Variants in SIPA1L2 observed in about 807,000 individuals in gnomAD.
The protein encoded by SIPA1L2 is signal induced proliferation associated 1 like 2.
SIPA1L2 carries 56 observed loss-of-function variants against 163.9 expected under a neutral mutation model. That is an observed-to-expected ratio of 0.34 (90% CI 0.28 to 0.43). SIPA1L2 has a LOEUF of 0.43. SIPA1L2 is among the 20% of genes least tolerant of loss of function. The pLI, the probability that SIPA1L2 is intolerant of heterozygous loss-of-function variation, is 1.00. For missense variants in SIPA1L2, 1,974 were observed against 2,193.5 expected (o/e 0.90, Z 2.00); for synonymous variants, 877 against 865.7 (o/e 1.01, Z -0.23).
chr1:232,496,276 C>T (rs899016297), intron 3 of SIPA1L2, among the ~76,000 whole-genome samples: 14 of 152,190 alleles, frequency 9.2e-5, no homozygotes, highest in Admixed American at 7.9e-4. Flanking sequence ...GTATTCAGTA[C>T]AGTAACATGC....
intron 4 of SIPA1L2, among the ~76,000 whole-genome samples, chr1:232,491,889 C>T (rs59324212): frequency 6.6e-6 from 1 of 152,178 alleles, no homozygotes; most frequent in African/African-American, 2.4e-5. Context: ...TCTATCTATA[C>T]TAATACAGGA....
At chr1:232,535,223 C>T (rs1289083220) in intron 2 of SIPA1L2, among the ~76,000 whole-genome samples, 1 of 152,066 alleles carries the variant, frequency 6.6e-6, no homozygotes, top group Non-Finnish European at 1.5e-5. Context: ...TACGCGTATG[C>T]CTAAGAAACA....
At chr1:232,537,000 C>T (rs928501657) in intron 2 of SIPA1L2, among the ~76,000 whole-genome samples, 1 of 152,150 alleles carries the variant, frequency 6.6e-6, no homozygotes, top group African/African-American at 2.4e-5. Context: ...CTTTGGGAGG[C>T]CACAGCAGGT....
intron 2 of SIPA1L2, among the ~76,000 whole-genome samples, chr1:232,531,086 G>A (rs1656891690): frequency 6.6e-6 from 1 of 152,174 alleles, no homozygotes. Flanking sequence ...TTCTGTAGGT[G>A]CCAAGCACTT....
At chr1:232,456,299 C>T (rs595112) in intron 10 of SIPA1L2, among the ~76,000 whole-genome samples, 115,144 of 152,104 alleles carry the variant, frequency 0.76, 43,814 homozygotes, top group East Asian at 0.87. Flanking sequence ...TATTTCCATA[C>T]TCTCCTCTCT....
intron 2 of SIPA1L2, among the ~76,000 whole-genome samples, chr1:232,569,073 C>T (rs1659570446): frequency 6.6e-6 from 1 of 152,202 alleles, no homozygotes; most frequent in Non-Finnish European, 1.5e-5. Context: ...TGTATGAAAT[C>T]ACTCTTGAGA....
chr1:232,563,049 C>T (rs1659138018), intron 2 of SIPA1L2, among the ~76,000 whole-genome samples: 1 of 152,150 alleles, frequency 6.6e-6, no homozygotes, highest in Non-Finnish European at 1.5e-5. Flanking sequence ...ATCCTACATG[C>T]CTGAACTGTG....
At chr1:232,606,150 T>C (rs1461663519) in intron 1 of SIPA1L2, among the ~76,000 whole-genome samples, 1 of 152,274 alleles carries the variant, frequency 6.6e-6, no homozygotes. Context: ...TCAGAGTTGC[T>C]ATTCAAACAT....
At chr1:232,437,186 T>G (rs1416634184) in intron 15 of SIPA1L2, among the ~76,000 whole-genome samples, 1 of 152,172 alleles carries the variant, frequency 6.6e-6, no homozygotes, top group Admixed American at 6.5e-5. Flanking sequence ...AAATTTTACT[T>G]AATAATAATA....
rs1664486850 is a variant in SIPA1L2 at position 232,465,891 on chromosome 1, A to C, written c.2244-475T>G. ...GATGTATGCACACAGAAAGAAGACC[A>C]TGTGAAGACACAAGGAGAAGACGGC... On this transcript the variant is annotated intron_variant, in intron 8 of 22. Coordinates refer to ENST00000674635, the MANE Select transcript of SIPA1L2 (RefSeq NM_020808.5). The surrounding 1 kb of genome is among the most constrained non-coding windows in gnomAD (Gnocchi z 4.1). 1.3e-5 allele frequency among the ~76,000 whole-genome samples: 2 copies of C among 151,902 alleles called. No homozygotes were observed. The highest frequency in any genetic ancestry group is 4.2e-4 in the South Asian group (2 of 4,806).
chr1:232,626,279 G>A (rs1245665968), intron 1 of SIPA1L2, among the ~76,000 whole-genome samples: 1 of 142,982 alleles, frequency 7.0e-6, no homozygotes, highest in Admixed American at 7.3e-5. Flanking sequence ...AAAAGGTATA[G>A]GAACAACATG....
At chr1:232,584,328 G>A (rs12566277) in intron 1 of SIPA1L2, among the ~76,000 whole-genome samples, 69,206 of 151,880 alleles carry the variant, frequency 0.46, 17,543 homozygotes, top group East Asian at 0.75. Flanking sequence ...AGGTTCAAGC[G>A]ATTCTCCTGC....
rs1662754760 is a variant in SIPA1L2, at chr1:232,620,665, T to C, written c.-319+9204A>G. On this transcript the variant is annotated intron_variant, in intron 1 of 22. Transcript: ENST00000674635. ...GATTTAACTGCCCTAAAATTAGCAG[T>C]CAGAGCAAAGTAGTTACTGCAATGA... Among the ~76,000 whole-genome samples the C allele has an allele frequency of 2.0e-5, 3 of 152,230 alleles. No individual in the cohort carries two copies. In the South Asian group the frequency reaches 6.2e-4, roughly 32 times the overall value.
At chr1:232,420,575 C>G (rs1661515521) in intron 18 of SIPA1L2, among the ~76,000 whole-genome samples, 1 of 152,170 alleles carries the variant, frequency 6.6e-6, no homozygotes, top group Admixed American at 6.5e-5. Context: ...GTGGCTCATG[C>G]CTGTAATCCC....
intron 2 of SIPA1L2, among the ~76,000 whole-genome samples, chr1:232,544,854 A>T (rs917667434): frequency 1.3e-5 from 2 of 152,198 alleles, no homozygotes; most frequent in Non-Finnish European, 2.9e-5. Flanking sequence ...AAGCTCCGAA[A>T]GCAGATCCCC....
At chr1:232,399,296 G>A (rs773528543) in intron 22 of SIPA1L2, 23 bp from the exon 23 acceptor site, 1 of 1,609,940 alleles carries the variant, frequency 6.2e-7, no homozygotes, top group Admixed American at 1.7e-5. Context: ...GAAATAAACT[G>A]AGTCATGGAG....
chr1:232,413,003 C>T (rs1375974583), intron 19 of SIPA1L2, among the ~76,000 whole-genome samples: 1 of 152,156 alleles, frequency 6.6e-6, no homozygotes, highest in Non-Finnish European at 1.5e-5. Context: ...TACCTGAGGG[C>T]ACTGGCTAGG....
intron 18 of SIPA1L2, among the ~76,000 whole-genome samples, chr1:232,418,531 A>T (rs761235487): frequency 4.4e-4 from 67 of 152,344 alleles, no homozygotes; most frequent in Middle Eastern, 6.8e-3. Flanking sequence ...CCCACGGAGC[A>T]GGCCAGCCAA....
In SIPA1L2 at chr1:232,572,764, TA is replaced by T. The variant is rs1558277769; in HGVS notation, c.-270+1409del. Among the ~76,000 whole-genome samples the T allele has an allele frequency of 2.3e-3, 205 of 90,412 alleles. 6 individuals carry two copies. In the East Asian group the frequency reaches 0.051, roughly 23 times the overall value. The allele number at this position is 90,412 out of a possible 152,430, so 59.3% of individuals were successfully genotyped here. ...ATATATATATATATATATATATATA[TA>T]TATATATATATATATTTATTTATTT... is the stretch of plus-strand genomic sequence containing the variant. On this transcript the variant is annotated intron_variant, in intron 2 of 22. Transcript: ENST00000674635.
Sources: allele counts gnomAD v4.1 joint callset (sites outside exome capture counted in the v4.1 genomes callset), GRCh38; gene constraint gnomAD v4.1.1; non-coding constraint Gnocchi (gnomAD v3.1); transcripts MANE v1.5; gene names NCBI Gene and HGNC (gene_info 2026-07-23, HGNC 2026-07-21).